The following BICRAL variants were observed in gnomAD, a reference collection of about 807,000 sequenced individuals.
BICRAL encodes the protein BICRA like chromatin remodeling complex associated protein.
Under a neutral mutation model 91.8 loss-of-function variants are expected in BICRAL, and 8 were observed. The ratio of observed to expected loss-of-function variants is 0.09; its 90% CI spans 0.05 to 0.16. BICRAL has a LOEUF of 0.16. BICRAL is among the 10% of genes least tolerant of loss of function. BICRAL has a pLI of 1.00. For synonymous variants in BICRAL, 445 were observed against 491.1 expected (o/e 0.91, Z 1.24); for missense variants, 1,038 against 1,310.9 (o/e 0.79, Z 3.21).
At chr6:42,844,621 T>G (rs1265853735) in intron 6 of BICRAL, among the ~76,000 whole-genome samples, 1 of 149,494 alleles carries the variant, frequency 6.7e-6, no homozygotes, top group Non-Finnish European at 1.5e-5. Flanking sequence ...TTCTGATAGA[T>G]TTAACAACTG....
At chr6:42,819,159 A>G (rs894374257) in intron 2 of BICRAL, among the ~76,000 whole-genome samples, 4 of 152,216 alleles carry the variant, frequency 2.6e-5, no homozygotes, top group Non-Finnish European at 5.9e-5. Context: ...CTTGAATGTG[A>G]AAAGAGCCTC....
upstream of BICRAL, among the ~76,000 whole-genome samples, chr6:42,780,406 G>A (rs1027448954): frequency 5.3e-5 from 8 of 152,034 alleles, no homozygotes; most frequent in Admixed American, 2.0e-4. Context: ...GAGTTTTATT[G>A]AGAACTCACC....
At chr6:42,843,519 G>T (rs1014401965) in intron 6 of BICRAL, among the ~76,000 whole-genome samples, 1 of 152,168 alleles carries the variant, frequency 6.6e-6, no homozygotes, top group African/African-American at 2.4e-5. Flanking sequence ...GACGAGACAT[G>T]AATGGATTTG....
chr6:42,834,561 T>C (rs1272395772), intron 6 of BICRAL, among the ~76,000 whole-genome samples: 2 of 152,232 alleles, frequency 1.3e-5, no homozygotes, highest in Non-Finnish European at 2.9e-5. Context: ...GAACAGCTTT[T>C]CCTTTTCTTC....
intron 1 of BICRAL, among the ~76,000 whole-genome samples, chr6:42,806,012 A>ACG (rs1763695383): frequency 2.1e-5 from 1 of 46,822 alleles, no homozygotes; most frequent in African/African-American, 2.0e-4. Context: ...AAAAAAAAAA[A>ACG]ACGAAGGAAG....
intron 1 of BICRAL, among the ~76,000 whole-genome samples, chr6:42,791,317 C>G (rs1393823752): frequency 6.6e-6 from 1 of 152,106 alleles, no homozygotes; most frequent in Non-Finnish European, 1.5e-5. Context: ...AGTTGTGAAA[C>G]CGAACATGTT....
intron 1 of BICRAL, among the ~76,000 whole-genome samples, chr6:42,809,035 A>G (rs1252397172): frequency 6.6e-6 from 1 of 151,232 alleles, no homozygotes; most frequent in Non-Finnish European, 1.5e-5. Context: ...ATTGCTTAGT[A>G]TGTTAGGCTT....
intron 6 of BICRAL, among the ~76,000 whole-genome samples, chr6:42,845,190 T>C (rs867887837): frequency 0.011 from 1,512 of 136,884 alleles, 13 homozygotes; most frequent in Middle Eastern, 0.035. Flanking sequence ...TTTTGTTTTT[T>C]GGGTGTTTTT....
chr6:42,769,893 T>C (rs1305149180), intron 1 of BICRAL, among the ~76,000 whole-genome samples: 8 of 152,214 alleles, frequency 5.3e-5, no homozygotes, highest in African/African-American at 1.9e-4. Context: ...TTTACACCCT[T>C]ACTGCTTGTA....
chr6:42,829,411 T>C lies in BICRAL; in HGVS notation c.1078T>C (p.Ser360Pro). 2.5e-6 allele frequency: 4 copies of C among 1,614,194 alleles called. No individual in the cohort carries two copies. The highest frequency in any genetic ancestry group is 3.4e-6 in the Non-Finnish European group (4 of 1,180,030). Residue 360 changes from serine (S) to proline (P), a missense_variant, in exon 6 of 13, where the codon TCT becomes CCT. By Grantham distance (74) the Ser-to-Pro change is moderately conservative. Around this residue, in one of 5 missense-constraint regions of BICRAL, gnomAD observed 532 missense variants for 724.9 expected, o/e 0.73. Coordinates refer to ENST00000314073, the MANE Select transcript of BICRAL (RefSeq NM_001393499.1). ...GGGCTCAGTAGTTGGTCCACACATG[T>C]CTGTGAACATTGTAAACCAACAGAA... ...PQGSVVGPHM[S>P]VNIVNQQNTR...
chr6:42,782,802 G>C (rs893054776), intron 1 of BICRAL, among the ~76,000 whole-genome samples: 23 of 152,098 alleles, frequency 1.5e-4, no homozygotes, highest in African/African-American at 5.1e-4. Flanking sequence ...GGCGCGGCGG[G>C]GCCGCGAGCA....
chr6:42,756,856 GCTGT>G (rs961828398), intron 1 of BICRAL, among the ~76,000 whole-genome samples: 3 of 150,636 alleles, frequency 2.0e-5, no homozygotes, highest in Non-Finnish European at 4.4e-5. Flanking sequence ...ACATGCTTGC[GCTGT>G]CTCTCGCTTG....
intron 12 of BICRAL, 70 bp from the exon 13 acceptor site, chr6:42,864,589 A>G: frequency 7.7e-7 from 1 of 1,299,976 alleles, no homozygotes; most frequent in East Asian, 2.3e-5. Context: ...CACCTGACCC[A>G]CTGAAGTTCT....
chr6:42,811,649 C>T (rs1463985947), intron 2 of BICRAL, among the ~76,000 whole-genome samples: 1 of 151,588 alleles, frequency 6.6e-6, no homozygotes, highest in Non-Finnish European at 1.5e-5. Flanking sequence ...AGCCTACGTT[C>T]CCAGGGTACC....
chr6:42,807,804 G>GAA (rs751723957), intron 1 of BICRAL, among the ~76,000 whole-genome samples: 3 of 128,332 alleles, frequency 2.3e-5, no homozygotes, highest in African/African-American at 2.8e-5. Context: ...GACTCCGTCT[G>GAA]AAAAAAAAAA....
At chr6:42,801,890 AT>A (rs1273610828) in intron 1 of BICRAL, among the ~76,000 whole-genome samples, 9 of 64,698 alleles carry the variant, frequency 1.4e-4, no homozygotes, top group Non-Finnish European at 3.1e-4. Context: ...CTCAAAAAAA[AT>A]AAATAAAAAT....
intron 2 of BICRAL, among the ~76,000 whole-genome samples, chr6:42,813,740 C>CA (rs1228880596): frequency 2.0e-5 from 3 of 152,038 alleles, no homozygotes; most frequent in Non-Finnish European, 2.9e-5. Flanking sequence ...AGGAGGGTCT[C>CA]AAACTCCTGG....
chr6:42,834,147 A>G (rs1182752166), intron 6 of BICRAL, among the ~76,000 whole-genome samples: 1 of 152,224 alleles, frequency 6.6e-6, no homozygotes, highest in Non-Finnish European at 1.5e-5. Context: ...CATGGCGCCC[A>G]GCAAAACCAA....
chr6:42,834,154 C>T lies in BICRAL; in HGVS notation c.1839+3982C>T, dbSNP rs114734966. On this transcript the variant is annotated intron_variant, in intron 6 of 12. Coordinates refer to ENST00000314073, the MANE Select transcript of BICRAL (RefSeq NM_001393499.1). Reference sequence around the variant, plus strand: ...GCATGAGCCATGGCGCCCAGCAAAACCAATTATTTTCTATAATTTGGGTTT... The same window carrying T: ...GCATGAGCCATGGCGCCCAGCAAAATCAATTATTTTCTATAATTTGGGTTT... Among the ~76,000 whole-genome samples the T allele has an allele frequency of 6.9e-3, 1,056 of 152,306 alleles. 5 individuals are homozygous for T. The highest frequency in any genetic ancestry group is 0.022 in the African/African-American group (930 of 41,566).
Sources: allele counts gnomAD v4.1 joint callset (sites outside exome capture counted in the v4.1 genomes callset), GRCh38; gene constraint gnomAD v4.1.1; regional missense constraint gnomAD v4.1.1; transcripts MANE v1.5; gene names NCBI Gene and HGNC (gene_info 2026-07-23, HGNC 2026-07-21).